Variants in EPB41L4A observed in about 807,000 individuals in gnomAD.
EPB41L4A encodes band 4.1-like protein 4A.
Under a neutral mutation model 108.6 loss-of-function variants are expected in EPB41L4A, and 100 were observed. The ratio of observed to expected loss-of-function variants is 0.92; its 90% CI spans 0.78 to 1.09. The LOEUF (loss-of-function observed/expected upper bound fraction) is 1.09, where lower values mean the gene tolerates loss of function less well. EPB41L4A is among the 50% of genes least tolerant of loss of function. EPB41L4A has a pLI of 0.00. For synonymous variants in EPB41L4A, 319 were observed against 289.0 expected, an observed-to-expected ratio of 1.10 and a Z score of -1.05; for missense variants, 1,030 against 842.7, an observed-to-expected ratio of 1.22 and a Z score of -2.75.
At chr5:112,375,336 TA>T (rs1759750308) in intron 1 of EPB41L4A, among the ~76,000 whole-genome samples, 3 of 134,226 alleles carry the variant, frequency 2.2e-5, no homozygotes, top group African/African-American at 8.9e-5. Flanking sequence ...CACACACACA[TA>T]CACACACACA....
chr5:112,239,733 G>A lies in EPB41L4A; in HGVS notation c.892C>T (p.Pro298Ser), dbSNP rs760461397. 1.9e-5 allele frequency: 31 copies of A among 1,604,396 alleles called. 1 individual carries two copies. Among genetic ancestry groups the A allele is most frequent in the Non-Finnish European group, 2.6e-5 (30 of 1,174,356 alleles). Residue 298 changes from proline (P) to serine (S), a missense_variant, in exon 11 of 23, where the codon CCA becomes TCA. Pro to Ser is a moderately conservative substitution (Grantham distance 74). Transcript: ENST00000261486. ...GACAGTGAATTGGATTCATTTTCTG[G>A]CATTCTAATCAATTTTTAAAAGAAA... ...SVEHHTFFRM[P>S]ENESNSLSRK...
intron 9 of EPB41L4A, among the ~76,000 whole-genome samples, chr5:112,250,449 C>T (rs1207221740): frequency 6.6e-6 from 1 of 152,130 alleles, no homozygotes; most frequent in Non-Finnish European, 1.5e-5. Context: ...CCTAAAAAGT[C>T]AGTATTTCTC....
At chr5:112,243,108 G>A (rs757506245) in intron 9 of EPB41L4A, among the ~76,000 whole-genome samples, 2 of 151,532 alleles carry the variant, frequency 1.3e-5, no homozygotes, top group East Asian at 1.9e-4. Flanking sequence ...CAGCTATTTC[G>A]GAGGCTGAGA....
chr5:112,173,829 A>C (rs1760728290), intron 18 of EPB41L4A: 1 of 152,046 alleles, frequency 6.6e-6, no homozygotes, highest in African/African-American at 2.4e-5. Context: ...TTTTTAGTAG[A>C]GACGGGGTTT....
At chr5:112,206,072 G>A (rs570085335) in intron 13 of EPB41L4A, 1 of 152,852 alleles carries the variant, frequency 6.5e-6, no homozygotes, top group East Asian at 1.9e-4. Context: ...TCAGTCCTAA[G>A]AATGTAAATG....
chr5:112,267,871 C>T (rs1751974071), intron 4 of EPB41L4A, among the ~76,000 whole-genome samples: 1 of 152,002 alleles, frequency 6.6e-6, no homozygotes, highest in African/African-American at 2.4e-5. Flanking sequence ...AAACTGACTT[C>T]TTCTTACTTC....
At chr5:112,182,059 A>G (rs1030070972) in intron 18 of EPB41L4A, among the ~76,000 whole-genome samples, 6 of 145,362 alleles carry the variant, frequency 4.1e-5, no homozygotes, top group African/African-American at 1.5e-4. Context: ...GGTGACAGAG[A>G]AAAAAAAAAA....
intron 1 of EPB41L4A, among the ~76,000 whole-genome samples, chr5:112,309,699 G>A (rs542865885): frequency 2.6e-5 from 4 of 152,270 alleles, no homozygotes; most frequent in South Asian, 4.2e-4. Context: ...CACAGTTGAC[G>A]TTAAGATAGG....
At chr5:112,314,136 G>A (rs928165773) in intron 1 of EPB41L4A, among the ~76,000 whole-genome samples, 2 of 151,750 alleles carry the variant, frequency 1.3e-5, no homozygotes, top group Non-Finnish European at 2.9e-5. Flanking sequence ...GGGATTATAG[G>A]CATGAGCCAC....
chr5:112,374,639 A>T (rs1008040082), intron 1 of EPB41L4A, among the ~76,000 whole-genome samples: 2 of 152,214 alleles, frequency 1.3e-5, no homozygotes, highest in African/African-American at 4.8e-5. Flanking sequence ...CTAGTGCTGG[A>T]GCTCACCACA....
chr5:112,280,289 T>C lies in EPB41L4A; in HGVS notation c.239A>G (p.His80Arg). Residue 80 changes from histidine to arginine, a missense_variant, in exon 3 of 23, where the codon CAC becomes CGC. Coordinates refer to ENST00000261486, the MANE Select transcript of EPB41L4A (RefSeq NM_022140.5). ...WLDPAKTLAEHKELINTGPPY... is the reference protein window; with the variant it reads ...WLDPAKTLAERKELINTGPPY... ...ATACCTACTGTTGATCAGTTCTTTG[T>C]GTTCAGCAAGGGTTTTTGCAGGATC... 6.2e-7 allele frequency: 1 copy of C among 1,614,098 alleles called. No homozygotes were observed. The highest frequency in any genetic ancestry group is 8.5e-7 in the Non-Finnish European group (1 of 1,179,944).
At chr5:112,374,197 A>C (rs536335925) in intron 1 of EPB41L4A, among the ~76,000 whole-genome samples, 14 of 152,356 alleles carry the variant, frequency 9.2e-5, no homozygotes, top group Non-Finnish European at 2.1e-4. Flanking sequence ...CTGATATTAC[A>C]AACCGTAGCC....
chr5:112,354,214 G>T (rs994804624), intron 1 of EPB41L4A, among the ~76,000 whole-genome samples: 2 of 152,120 alleles, frequency 1.3e-5, no homozygotes, highest in African/African-American at 4.8e-5. Flanking sequence ...CTCATTATAC[G>T]TTCCTCATCA....
intron 1 of EPB41L4A, among the ~76,000 whole-genome samples, chr5:112,339,487 T>TATAGATATATAG (rs1561585040): frequency 4.2e-4 from 12 of 28,902 alleles, no homozygotes; most frequent in Admixed American, 1.1e-3. Flanking sequence ...TATATATATA[T>TATAGATATATAG]ATATATATCT....
intron 1 of EPB41L4A, among the ~76,000 whole-genome samples, chr5:112,315,163 C>T (rs1168039025): frequency 6.6e-6 from 1 of 152,164 alleles, no homozygotes; most frequent in Admixed American, 6.5e-5. Context: ...AGTTAAAATG[C>T]CACCTTCTTC....
In EPB41L4A at chr5:112,232,128, AAG is replaced by A. The variant is rs1170094950; in HGVS notation, c.1087+2504_1087+2505del. ...AACCTTGTCTCAAAAAAAAAAAAAA[AAG>A]AGAGAGAGAGAGAGAGAGAGATCCA... On this transcript the variant is annotated intron_variant, in intron 12 of 22. Transcript: ENST00000261486. Among the ~76,000 whole-genome samples the A allele has an allele frequency of 7.5e-3, 1,086 of 145,284 alleles. 61 individuals are homozygous for A. The highest frequency in any genetic ancestry group is 8.7e-3 in the Non-Finnish European group (579 of 66,622).
rs1298356372 is a variant in EPB41L4A, at chr5:112,365,722, TTCA to T, written c.99+53216_99+53218del. 5.3e-5 allele frequency among the ~76,000 whole-genome samples: 8 copies of T among 152,306 alleles called. No individual in the cohort carries two copies. In the East Asian group the frequency reaches 1.5e-3, roughly 29 times the overall value. ...CCCTAGCTAGGGTATCATATTACAT[TTCA>T]TCATCACATTTCCTTAACCTCCTCA... On this transcript the variant is annotated intron_variant, in intron 1 of 22. Transcript: ENST00000261486.
intron 11 of EPB41L4A, among the ~76,000 whole-genome samples, chr5:112,235,948 A>T (rs1477759080): frequency 6.6e-6 from 1 of 152,172 alleles, no homozygotes; most frequent in African/African-American, 2.4e-5. Flanking sequence ...GATAACATAG[A>T]TTTCCAAAAA....
At chr5:112,375,845 C>T (rs1328896065) in intron 1 of EPB41L4A, among the ~76,000 whole-genome samples, 1 of 152,004 alleles carries the variant, frequency 6.6e-6, no homozygotes, top group Non-Finnish European at 1.5e-5. Flanking sequence ...ACTGACTTCA[C>T]GAATTAGAGT....
Sources: allele counts gnomAD v4.1 joint callset (sites outside exome capture counted in the v4.1 genomes callset), GRCh38; gene constraint gnomAD v4.1.1; transcripts MANE v1.5; gene names NCBI Gene and HGNC (gene_info 2026-07-23, HGNC 2026-07-21).